The following PLCXD3 variants were observed in gnomAD, a reference collection of about 807,000 sequenced individuals.
PLCXD3 encodes PI-PLC X domain-containing protein 3.
A neutral mutation model predicts 25.5 loss-of-function variants in PLCXD3; 19 were observed. The ratio of observed to expected loss-of-function variants is 0.75; its 90% CI spans 0.52 to 1.09. PLCXD3 has a LOEUF of 1.09. Among genes scored for constraint, PLCXD3 ranks in the 50% least tolerant of loss-of-function variants. PLCXD3 has a pLI of 0.00. For missense variants in PLCXD3, 411 were observed against 388.1 expected (o/e 1.06, Z -0.50); for synonymous variants, 174 against 137.6 (o/e 1.26, Z -1.85).
At chr5:41,335,037 C>A (rs2150475833) in intron 2 of PLCXD3, among the ~76,000 whole-genome samples, 1 of 152,300 alleles carries the variant, frequency 6.6e-6, no homozygotes, top group African/African-American at 2.4e-5. Flanking sequence ...GGTTTTCTTT[C>A]AAGGGCAGAA....
rs547632015 is a variant in PLCXD3, at chr5:41,311,377, C to CT, written c.*2239dup. 369 of 152,142 alleles carry CT rather than the reference C, an allele frequency of 2.4e-3. 3 individuals carry two copies. Among genetic ancestry groups the CT allele is most frequent in the African/African-American group, 7.9e-3 (329 of 41,540 alleles). 9.4% of individuals were successfully genotyped at this position (152,142 alleles called of 1,614,324 possible). ...AATAATTAAGTCCTACACTAGAATT[C>CT]TTTTACAAAAATACTTTGATGTGAT... On this transcript the variant is annotated 3_prime_UTR_variant, in exon 3 of 3. Coordinates refer to ENST00000377801, the MANE Select transcript of PLCXD3 (RefSeq NM_001005473.3).
chr5:41,450,041 T>C (rs1291932430), intron 1 of PLCXD3, among the ~76,000 whole-genome samples: 2 of 152,050 alleles, frequency 1.3e-5, no homozygotes, highest in African/African-American at 4.8e-5. Flanking sequence ...AGTAAATACA[T>C]CTACACACTG....
chr5:41,416,863 A>C (rs1261450139), intron 1 of PLCXD3, among the ~76,000 whole-genome samples: 1 of 152,210 alleles, frequency 6.6e-6, no homozygotes, highest in Non-Finnish European at 1.5e-5. Context: ...AGAGTACAAA[A>C]GATGAGGAAT....
In PLCXD3 at chr5:41,382,384, G is replaced by A; in HGVS notation, c.254C>T (p.Thr85Ile). 6.2e-7 allele frequency: 1 copy of A among 1,613,524 alleles called. No individual in the cohort carries two copies. The highest frequency in any genetic ancestry group is 1.7e-4 in the Middle Eastern group (1 of 6,052). The part of the protein sequence containing the change: ...KWLATQTMNF[T>I]GQLGAGIRYF... The stretch of plus-strand genomic sequence containing the variant: ...ACGAATTCCAGCTCCTAGCTGGCCA[G>A]TAAAATTCATTGTCTGAGTGGCTAA... The change falls in exon 2 of 3, where the codon ACT becomes ATT. Residue 85 changes from threonine (T) to isoleucine (I), a missense_variant. Thr to Ile is a moderately conservative substitution (Grantham distance 89). Transcript: ENST00000377801.
chr5:41,375,509 C>T (rs896187126), intron 2 of PLCXD3, among the ~76,000 whole-genome samples: 5 of 152,102 alleles, frequency 3.3e-5, no homozygotes, highest in Non-Finnish European at 7.4e-5. Flanking sequence ...TTGGCCTCAA[C>T]TTCCTTATTT....
intron 2 of PLCXD3, among the ~76,000 whole-genome samples, chr5:41,373,070 A>T (rs984879091): frequency 7.2e-5 from 11 of 151,940 alleles, no homozygotes; most frequent in African/African-American, 2.7e-4. Flanking sequence ...AAAACAAATG[A>T]GTTTTTGGCC....
intron 2 of PLCXD3, among the ~76,000 whole-genome samples, chr5:41,331,195 C>T (rs1743793547): frequency 1.3e-5 from 2 of 152,186 alleles, no homozygotes; most frequent in Admixed American, 6.5e-5. Context: ...ATCTAGAAAA[C>T]CCCATTGTCT....
At chr5:41,332,960 G>A (rs1007440458) in intron 2 of PLCXD3, among the ~76,000 whole-genome samples, 3 of 152,164 alleles carry the variant, frequency 2.0e-5, no homozygotes, top group Non-Finnish European at 4.4e-5. Context: ...GGGAGGAAGA[G>A]GGAGGGATAG....
chr5:41,407,156 A>G (rs1413655484), intron 1 of PLCXD3, among the ~76,000 whole-genome samples: 3 of 152,110 alleles, frequency 2.0e-5, no homozygotes, highest in African/African-American at 7.2e-5. Flanking sequence ...AGAGGTTTCA[A>G]ATCTGGCTGA....
chr5:41,395,487 T>C (rs1745975192), intron 1 of PLCXD3, among the ~76,000 whole-genome samples: 1 of 151,486 alleles, frequency 6.6e-6, no homozygotes, highest in South Asian at 2.1e-4. Context: ...TAAATGAAAT[T>C]GAAATGAAAA....
chr5:41,432,831 C>T (rs917359455), intron 1 of PLCXD3, among the ~76,000 whole-genome samples: 7 of 152,158 alleles, frequency 4.6e-5, no homozygotes, highest in Non-Finnish European at 8.8e-5. Context: ...TGGATATGTT[C>T]GTTGAACTGA....
intron 2 of PLCXD3, among the ~76,000 whole-genome samples, chr5:41,372,100 C>G (rs1191251570): frequency 6.6e-6 from 1 of 151,848 alleles, no homozygotes; most frequent in East Asian, 1.9e-4. Flanking sequence ...CTCCTTTCAA[C>G]TTTTTTTTGT....
At chr5:41,374,885 T>C (rs760323576) in intron 2 of PLCXD3, among the ~76,000 whole-genome samples, 3 of 152,138 alleles carry the variant, frequency 2.0e-5, no homozygotes, top group Non-Finnish European at 4.4e-5. Context: ...AGATGGGTAC[T>C]GTCTTGTGTC....
chr5:41,499,557 T>A (rs910179158), intron 1 of PLCXD3, among the ~76,000 whole-genome samples: 9 of 151,768 alleles, frequency 5.9e-5, no homozygotes, highest in African/African-American at 2.2e-4. Context: ...ATTGCTCAAA[T>A]GTTACCACTC....
At chr5:41,509,575 C>G (rs556673442) in intron 1 of PLCXD3, among the ~76,000 whole-genome samples, 1 of 152,344 alleles carries the variant, frequency 6.6e-6, no homozygotes, top group Admixed American at 6.5e-5. Flanking sequence ...CGCTTCTTTC[C>G]TTCTAGACTG....
intron 1 of PLCXD3, among the ~76,000 whole-genome samples, chr5:41,428,169 A>G (rs1747006321): frequency 6.6e-6 from 1 of 152,160 alleles, no homozygotes; most frequent in African/African-American, 2.4e-5. Flanking sequence ...TTCCTCTGGC[A>G]TTCAGATCCC....
At chr5:41,399,575 C>T (rs1746117120) in intron 1 of PLCXD3, among the ~76,000 whole-genome samples, 1 of 151,986 alleles carries the variant, frequency 6.6e-6, no homozygotes, top group African/African-American at 2.4e-5. Context: ...GATAAAGGTG[C>T]CATGAGCATA....
intron 1 of PLCXD3, among the ~76,000 whole-genome samples, chr5:41,386,052 A>G (rs760231791): frequency 2.6e-4 from 40 of 152,210 alleles, no homozygotes; most frequent in Non-Finnish European, 5.1e-4. Flanking sequence ...TTCAGGGGTA[A>G]TTGGTTATAC....
chr5:41,326,166 C>T (rs1339860327), intron 2 of PLCXD3, among the ~76,000 whole-genome samples: 3 of 152,104 alleles, frequency 2.0e-5, no homozygotes, highest in African/African-American at 7.2e-5. Flanking sequence ...ATCTTTCTAT[C>T]CCTCCATTCA....
Sources: gnomAD v4.1 joint callset for allele counts (sites outside exome capture counted in the v4.1 genomes callset) on GRCh38, gnomAD v4.1.1 for gene constraint, MANE v1.5 for transcripts, NCBI Gene and HGNC (gene_info 2026-07-23, HGNC 2026-07-21) for gene names.